The following COL11A2 variants were observed in gnomAD, a reference collection of about 807,000 sequenced individuals.
COL11A2 encodes the protein collagen type XI alpha 2 chain.
In COL11A2, 116 loss-of-function variants were observed where a neutral mutation model predicts 273.4. The ratio of observed to expected loss-of-function variants is 0.42; its 90% CI spans 0.36 to 0.49. The LOEUF is 0.49. COL11A2 is among the 20% of genes least tolerant of loss of function. The probability of loss-of-function intolerance (pLI) is 0.00; values close to 1 mark genes in which losing one functional copy is unlikely to be tolerated. For synonymous variants in COL11A2, 782 were observed against 864.2 expected (o/e 0.90, Z 1.67); for missense variants, 1,866 against 2,309.0 (o/e 0.81, Z 3.93).
intron 52 of COL11A2, 26 bp from the exon 53 acceptor site, chr6:33,168,785 G>T: frequency 1.3e-5 from 20 of 1,598,150 alleles, no homozygotes; most frequent in Non-Finnish European, 1.7e-5. Context: ...AAGGTCAGAG[G>T]TGGGCCCCCA....
chr6:33,164,481 G>C lies in COL11A2; in HGVS notation c.4864-8C>G. ...TGAGTCCACGTAAGAGAACTGGAAG[G>C]AGAGAGAGGGCTGGCCTCAGAGGGG... On this transcript the variant is annotated splice_region_variant and splice_polypyrimidine_tract_variant and intron_variant, in intron 64 of 65. Transcript: ENST00000341947. The surrounding 1 kb of genome is among the most constrained non-coding windows in gnomAD (Gnocchi z 4.7). The C allele has an allele frequency of 1.3e-6, 2 of 1,530,288 alleles. No individual in the cohort carries two copies. The highest frequency in any genetic ancestry group is 1.8e-6 in the Non-Finnish European group (2 of 1,133,382). The allele number at this position is 1,530,288 out of a possible 1,614,324, so 94.8% of individuals were successfully genotyped here. A position where few individuals can be genotyped will look rare whatever the true frequency, so the allele number is the denominator to read the frequency against.
At chr6:33,185,103 G>A (rs1439818881) in intron 6 of COL11A2, 49 bp from the exon 7 acceptor site, 11 of 1,425,932 alleles carry the variant, frequency 7.7e-6, no homozygotes, top group Non-Finnish European at 1.1e-5. Flanking sequence ...GGGAAGGAAG[G>A]AGAAAGGTTA....
chr6:33,167,216 C>G lies in COL11A2; in HGVS notation c.4176+48G>C, dbSNP rs1172747273. The G allele has an allele frequency of 1.3e-5, 21 of 1,613,740 alleles. No homozygotes were observed. Among genetic ancestry groups the G allele is most frequent in the East Asian group, 4.5e-5 (2 of 44,886 alleles). Reference sequence around the variant, plus strand: ...CTTCCTCCAGGGCTTCAGCTCTGTCCCAGGGCACTGCCCTCACCCCTCACT... The same window carrying G: ...CTTCCTCCAGGGCTTCAGCTCTGTCGCAGGGCACTGCCCTCACCCCTCACT... On this transcript the variant is annotated intron_variant, in intron 57 of 65. Transcript: ENST00000341947. This position sits in a 1 kb window ranked among gnomAD's most constrained non-coding sequence, Gnocchi z 6.1.
chr6:33,169,955 C>T lies in COL11A2; in HGVS notation c.3637-71G>A, dbSNP rs1769791016. ...AAAAATTCTGATATTCCCCACATCT[C>T]ATTCTCTTTTGTCTCCCCACCCAAA... is the stretch of plus-strand genomic sequence containing the variant. On this transcript the variant is annotated intron_variant, in intron 49 of 65. Coordinates refer to ENST00000341947, the MANE Select transcript of COL11A2 (RefSeq NM_080680.3). The surrounding 1 kb of genome is among the most constrained non-coding windows in gnomAD (Gnocchi z 5.5). 1.2e-6 allele frequency: 2 copies of T among 1,612,886 alleles called. No homozygotes were observed. Among genetic ancestry groups the T allele is most frequent in the Admixed American group, 3.3e-5 (2 of 59,998 alleles).
chr6:33,188,279 A>G, intron 4 of COL11A2, 83 bp downstream of exon 4: 6 of 1,507,268 alleles, frequency 4.0e-6, no homozygotes, highest in Non-Finnish European at 5.5e-6. Flanking sequence ...AGGGAATAGG[A>G]AGATGACATG....
chr6:33,186,901 A>C lies in COL11A2; in HGVS notation c.607-83T>G. 1.9e-6 allele frequency: 3 copies of C among 1,580,154 alleles called. No individual in the cohort carries two copies. In the Admixed American group the frequency reaches 5.0e-5, roughly 26 times the overall value. On this transcript the variant is annotated intron_variant, in intron 4 of 65. Coordinates refer to ENST00000341947, the MANE Select transcript of COL11A2 (RefSeq NM_080680.3). Reference sequence around the variant, plus strand: ...TCCGGGAGAAAGAGTATAGGAGGCCAATCCTAGGTAAAACCCTAAGATGGG... The same window carrying C: ...TCCGGGAGAAAGAGTATAGGAGGCCCATCCTAGGTAAAACCCTAAGATGGG...
rs181895110 is a variant in COL11A2, at chr6:33,167,304, C to T, written c.4136G>A (p.Arg1379Gln). Residue 1379 changes from arginine to glutamine, a missense_variant, in exon 57 of 66, where the codon CGA (arginine) becomes CAA (glutamine). Coordinates refer to ENST00000341947, the MANE Select transcript of COL11A2 (RefSeq NM_080680.3). This position sits in a 1 kb window ranked among gnomAD's most constrained non-coding sequence, Gnocchi z 6.1. ...CCCAGCCTGGCCTGTAGCTCCAGGT[C>T]GGCCTTGCTGACCCTGAAGATTTGA... Reference protein sequence around the residue: ...GLPGSVGQQGRPGATGQAGPP... With the variant: ...GLPGSVGQQGQPGATGQAGPP... 5.0e-6 allele frequency: 8 copies of T among 1,613,844 alleles called. No homozygotes were observed. In the Admixed American group the frequency reaches 8.3e-5, roughly 17 times the overall value.
chr6:33,178,937 C>T lies in COL11A2; in HGVS notation c.1648G>A (p.Gly550Arg). The change falls in exon 17 of 66, where the codon GGA becomes AGA. Residue 550 changes from glycine (G) to arginine (R), a missense_variant. By Grantham distance (125) the Gly-to-Arg change is moderately radical. Coordinates refer to ENST00000341947, the MANE Select transcript of COL11A2 (RefSeq NM_080680.3). The surrounding 1 kb of genome is among the most constrained non-coding windows in gnomAD (Gnocchi z 4.6). ...CCTGTTACCTTCACTCCAGGATCTC[C>T]AGGCATCCCTCGGGCTCCATCAGCA... ...AGADGARGMP[G>R]DPGVKGDRGF... The T allele has an allele frequency of 1.2e-6, 2 of 1,614,138 alleles. No homozygotes were observed. Among genetic ancestry groups the T allele is most frequent in the South Asian group, 2.2e-5 (2 of 91,086 alleles).
In COL11A2 at chr6:33,174,215, A is replaced by G. The variant is rs1161665324; in HGVS notation, c.2434T>C (p.Ser812Pro). ...CCAGGAAAGCCAGGAAATCCTAGGG[A>G]CCCCTGGTGAGAACGGAGAAGGGGG... ...GYPGRQGPKG[S>P]LGFPGFPGAS... The change falls in exon 32 of 66, where the codon TCC becomes CCC. Residue 812 changes from serine to proline, a missense_variant. By Grantham distance (74) the Ser-to-Pro change is moderately conservative. Coordinates refer to ENST00000341947, the MANE Select transcript of COL11A2 (RefSeq NM_080680.3). 1 of 1,565,590 alleles carries G rather than the reference A, an allele frequency of 6.4e-7. No homozygotes were observed. The highest frequency in any genetic ancestry group is 8.7e-7 in the Non-Finnish European group (1 of 1,155,356).
chr6:33,192,393 G>T lies in COL11A2; in HGVS notation c.-153C>A. The T allele has an allele frequency of 1.3e-6, 1 of 753,246 alleles. No homozygotes were observed. The highest frequency in any genetic ancestry group is 2.2e-6 in the Non-Finnish European group (1 of 445,584). 46.7% of individuals were successfully genotyped at this position (753,246 alleles called of 1,614,324 possible). The stretch of plus-strand genomic sequence containing the variant: ...GCTGCGGGCAGCGACAGCTGTCAGC[G>T]GCCCAGCTCCATGCAGCAAGGCGCC... On this transcript the variant is annotated 5_prime_UTR_variant, in exon 1 of 66. Transcript: ENST00000341947.
In COL11A2 at chr6:33,181,119, A is replaced by G. The variant is rs368908684; in HGVS notation, c.1171T>C (p.Leu391=). The G allele has an allele frequency of 1.9e-6, 3 of 1,613,924 alleles. No individual in the cohort carries two copies. The highest frequency in any genetic ancestry group is 2.5e-6 in the Non-Finnish European group (3 of 1,179,994). The part of the protein sequence containing the change: ...LKGEKGEPAV[L]EPGMLVEGPP... ...TGACCAGCATAACTTACAGGTTCCA[A>G]CACTGCAGGCTCTCCTTTCTCTCCC... Residue 391 remains leucine, a synonymous_variant, in exon 9 of 66, where the codon TTG becomes CTG. Transcript: ENST00000341947.
chr6:33,164,221 G>T lies in COL11A2; in HGVS notation c.5070+46C>A. 1.2e-6 allele frequency: 2 copies of T among 1,605,778 alleles called. No individual in the cohort carries two copies. The highest frequency in any genetic ancestry group is 1.7e-6 in the Non-Finnish European group (2 of 1,175,652). ...GGGGTCTTCCCACCTCCTTCCTCCA[G>T]CCTGAGTCTGAGATCAGCCCCCAAC... On this transcript the variant is annotated intron_variant, in intron 65 of 65. Coordinates refer to ENST00000341947, the MANE Select transcript of COL11A2 (RefSeq NM_080680.3). This position sits in a 1 kb window ranked among gnomAD's most constrained non-coding sequence, Gnocchi z 4.7.
chr6:33,170,424 G>A lies in COL11A2; in HGVS notation c.3529-45C>T, dbSNP rs1171667589. The A allele has an allele frequency of 1.2e-6, 2 of 1,605,146 alleles. No homozygotes were observed. The highest frequency in any genetic ancestry group is 2.2e-5 in the East Asian group (1 of 44,750). The stretch of plus-strand genomic sequence containing the variant: ...CACAGATGAGGAAGGGAAGTGAGAT[G>A]GCTGAGCATGAATGGTGGAGAGAGG... On this transcript the variant is annotated intron_variant, in intron 47 of 65. Transcript: ENST00000341947. This position sits in a 1 kb window ranked among gnomAD's most constrained non-coding sequence, Gnocchi z 4.3.
In COL11A2 at chr6:33,166,879, G is replaced by C. The variant is rs1048594040; in HGVS notation, c.4231-52C>G. 6.3e-7 allele frequency: 1 copy of C among 1,581,550 alleles called. No homozygotes were observed. The highest frequency in any genetic ancestry group is 1.1e-5 in the South Asian group (1 of 89,130). On this transcript the variant is annotated intron_variant, in intron 58 of 65. Transcript: ENST00000341947. This position sits in a 1 kb window ranked among gnomAD's most constrained non-coding sequence, Gnocchi z 4.8. ...GAATGCAAAGAGGAGTCATGTGGAT[G>C]GGGGAGAAGGGCCAAGAGGACATGG...
In COL11A2 at chr6:33,165,414, A is replaced by G; in HGVS notation, c.4750+135T>C. Reference sequence around the variant, plus strand: ...GGGATACTTCTGACCTGGTTAGTAAATAGCTGCAGTTCCCAGCCCCTCAGC... The same window carrying G: ...GGGATACTTCTGACCTGGTTAGTAAGTAGCTGCAGTTCCCAGCCCCTCAGC... On this transcript the variant is annotated intron_variant, in intron 63 of 65. Coordinates refer to ENST00000341947, the MANE Select transcript of COL11A2 (RefSeq NM_080680.3). The surrounding 1 kb of genome is among the most constrained non-coding windows in gnomAD (Gnocchi z 7.7). 2 of 1,344,388 alleles carry G rather than the reference A, an allele frequency of 1.5e-6. No homozygotes were observed. Among genetic ancestry groups the G allele is most frequent in the Admixed American group, 3.4e-5 (2 of 58,820 alleles). The allele number at this position is 1,344,388 out of a possible 1,614,324, so 83.3% of individuals were successfully genotyped here. A position where few individuals can be genotyped will look rare whatever the true frequency, so the allele number is the denominator to read the frequency against.
Position 33,173,768 on chromosome 6 carries a change from G to T in COL11A2, c.2584-23C>A, listed in dbSNP as rs1770490983. ...TCCCTGTGGGGGGAAACAGAGTCAA[G>T]GAGTGGGAAGAGCTGCTTTCCAGCT... On this transcript the variant is annotated intron_variant, in intron 34 of 65. Transcript: ENST00000341947. This position sits in a 1 kb window ranked among gnomAD's most constrained non-coding sequence, Gnocchi z 6.3. 6.2e-7 allele frequency: 1 copy of T among 1,604,734 alleles called. No individual in the cohort carries two copies. The highest frequency in any genetic ancestry group is 2.2e-5 in the East Asian group (1 of 44,676).
At chr6:33,180,643 C>A (rs113362058) in intron 11 of COL11A2, 25 bp downstream of exon 11, 1 of 1,588,408 alleles carries the variant, frequency 6.3e-7, no homozygotes, top group Middle Eastern at 1.8e-4. Flanking sequence ...GAAGCTCCCC[C>A]GTCACATGGA....
At position 33,178,997 on chromosome 6, in the gene COL11A2, G is replaced by A; in HGVS notation, c.1612-24C>T. The stretch of plus-strand genomic sequence containing the variant: ...CCCTGGGAGAACAAGGGAAGTGTCA[G>A]AACAAGCAGGGCCGCAGTCCCCTAC... On this transcript the variant is annotated intron_variant, in intron 16 of 65. Transcript: ENST00000341947. This position sits in a 1 kb window ranked among gnomAD's most constrained non-coding sequence, Gnocchi z 4.6. The A allele has an allele frequency of 6.2e-7, 1 of 1,614,000 alleles. No individual in the cohort carries two copies. Among genetic ancestry groups the A allele is most frequent in the Non-Finnish European group, 8.5e-7 (1 of 1,179,956 alleles).
At chr6:33,181,256 TTC>T in intron 8 of COL11A2, 86 bp from the exon 9 acceptor site, 1 of 1,391,960 alleles carries the variant, frequency 7.2e-7, no homozygotes, top group South Asian at 1.2e-5. Context: ...CCAACCTTGA[TTC>T]TTAGATCCTC....
Sources: allele counts gnomAD v4.1 joint callset, GRCh38; gene constraint gnomAD v4.1.1; non-coding constraint Gnocchi (gnomAD v3.1); transcripts MANE v1.5; gene names NCBI Gene and HGNC (gene_info 2026-07-23, HGNC 2026-07-21).